Variants in METTL16 observed in about 807,000 individuals in gnomAD.
METTL16 encodes methyltransferase 16, RNA N6-adenosine.
A neutral mutation model predicts 57.9 loss-of-function variants in METTL16; 19 were observed. The ratio of observed to expected loss-of-function variants is 0.33; its 90% CI spans 0.23 to 0.48. The LOEUF is 0.48. Among genes scored for constraint, METTL16 ranks in the 20% least tolerant of loss-of-function variants. The probability of loss-of-function intolerance (pLI) is 0.99; values close to 1 mark genes in which losing one functional copy is unlikely to be tolerated. For missense variants in METTL16, 434 were observed against 691.5 expected (o/e 0.63, Z 4.18); for synonymous variants, 246 against 255.6 (o/e 0.96, Z 0.36).
At chr17:2,449,499 T>C (rs1426062227) in intron 6 of METTL16, among the ~76,000 whole-genome samples, 2 of 151,796 alleles carry the variant, frequency 1.3e-5, no homozygotes, top group Non-Finnish European at 2.9e-5. Context: ...TGAGCCACCA[T>C]GTCTGGCTTA....
intron 6 of METTL16, among the ~76,000 whole-genome samples, chr17:2,459,453 G>A (rs1024503933): frequency 6.6e-6 from 1 of 152,210 alleles, no homozygotes; most frequent in Non-Finnish European, 1.5e-5. Flanking sequence ...GGGAGGCGAG[G>A]CATCACAAGC....
chr17:2,490,347 C>A (rs2067378251), intron 2 of METTL16, among the ~76,000 whole-genome samples: 1 of 152,126 alleles, frequency 6.6e-6, no homozygotes, highest in African/African-American at 2.4e-5. Flanking sequence ...GGATGTATTA[C>A]AGCTTTTGTA....
chr17:2,492,830 A>G (rs1399469994), intron 2 of METTL16, among the ~76,000 whole-genome samples: 2 of 144,734 alleles, frequency 1.4e-5, no homozygotes, highest in Admixed American at 7.1e-5. Flanking sequence ...CCCAGGAGGC[A>G]GAGGTTGCAG....
intron 4 of METTL16, among the ~76,000 whole-genome samples, chr17:2,471,407 A>G (rs1247510119): frequency 6.6e-6 from 1 of 152,128 alleles, no homozygotes; most frequent in East Asian, 1.9e-4. Context: ...CCTGACCGGA[A>G]GGATCTACCC....
rs1466680624 is a variant in METTL16 at position 2,421,844 on chromosome 17, G to A, written c.889-940C>T. Among the ~76,000 whole-genome samples, 33 of 152,148 alleles carry A rather than the reference G, an allele frequency of 2.2e-4. 1 individual carries two copies. The highest frequency in any genetic ancestry group is 2.2e-3 in the Admixed American group (33 of 15,268). On this transcript the variant is annotated intron_variant, in intron 8 of 9. Coordinates refer to ENST00000263092, the MANE Select transcript of METTL16 (RefSeq NM_024086.4). ...TCGTGGCTGATGTCGGGACCAAGCCGGCGGCGAGCTAAGCACTGCCTTTTA... is the reference window on the plus strand; with the variant it reads ...TCGTGGCTGATGTCGGGACCAAGCCAGCGGCGAGCTAAGCACTGCCTTTTA...
At position 2,431,995 on chromosome 17, in the gene METTL16, A is replaced by T. The variant is rs534236072; in HGVS notation, c.888+6114T>A. ...AGTCTTGCTCTGTCGCCCAGGCTGG[A>T]GTGCAGTGGCACGATCCTGGCTCAC... On this transcript the variant is annotated intron_variant, in intron 8 of 9. Transcript: ENST00000263092. Among the ~76,000 whole-genome samples, 133 of 151,650 alleles carry T rather than the reference A, an allele frequency of 8.8e-4. 1 individual carries two copies. The highest frequency in any genetic ancestry group is 1.4e-3 in the Non-Finnish European group (97 of 67,908).
chr17:2,485,886 C>T (rs781552455), intron 2 of METTL16, among the ~76,000 whole-genome samples: 22 of 152,154 alleles, frequency 1.4e-4, no homozygotes, highest in Non-Finnish European at 2.9e-4. Flanking sequence ...ACTGACCCCC[C>T]CTAATTAGTG....
chr17:2,454,504 CTTA>C (rs906069936), intron 6 of METTL16, among the ~76,000 whole-genome samples: 3 of 150,980 alleles, frequency 2.0e-5, no homozygotes, highest in African/African-American at 2.4e-5. Flanking sequence ...ATCCTATGCT[CTTA>C]TAAGTGATTT....
chr17:2,450,255 T>C (rs1333823688), intron 6 of METTL16, among the ~76,000 whole-genome samples: 1 of 152,214 alleles, frequency 6.6e-6, no homozygotes, highest in African/African-American at 2.4e-5. Context: ...GAACGAACTG[T>C]GGTATACTCA....
rs572457321 is a variant in METTL16 at position 2,498,311 on chromosome 17, T to C, written c.128+3893A>G. Among the ~76,000 whole-genome samples the C allele has an allele frequency of 1.0e-3, 140 of 138,150 alleles. No individual in the cohort carries two copies. In the Middle Eastern group the frequency reaches 0.014, roughly 14 times the overall value. 90.6% of individuals were successfully genotyped at this position (138,150 alleles called of 152,430 possible). ...CCTGTAGTCCCAGCTACTCAGGAGG[T>C]TGAGGCAGGAGAATCTCTTGAACCC... On this transcript the variant is annotated intron_variant, in intron 2 of 9. Transcript: ENST00000263092.
chr17:2,439,837 A>G (rs1290290802), intron 7 of METTL16, among the ~76,000 whole-genome samples: 2 of 152,178 alleles, frequency 1.3e-5, no homozygotes, highest in Non-Finnish European at 2.9e-5. Context: ...AAACAAAACA[A>G]AAAACATATT....
At chr17:2,471,946 T>C (rs2067238115) in intron 4 of METTL16, among the ~76,000 whole-genome samples, 1 of 151,612 alleles carries the variant, frequency 6.6e-6, no homozygotes, top group African/African-American at 2.4e-5. Flanking sequence ...AAACCCCATC[T>C]CTACTAAAAA....
At chr17:2,498,173 G>A (rs1238585001) in intron 2 of METTL16, among the ~76,000 whole-genome samples, 4 of 139,778 alleles carry the variant, frequency 2.9e-5, no homozygotes, top group East Asian at 4.4e-4. Flanking sequence ...CAGCCTGGGC[G>A]ACAGAGTAAG....
chr17:2,449,274 G>GACCT (rs2067050968), intron 6 of METTL16, among the ~76,000 whole-genome samples: 1 of 152,096 alleles, frequency 6.6e-6, no homozygotes, highest in Non-Finnish European at 1.5e-5. Context: ...TTTCCAACTT[G>GACCT]ACCTATAAAT....
intron 2 of METTL16, 83 bp from the exon 3 acceptor site, chr17:2,477,968 A>C (rs933967397): frequency 8.4e-7 from 1 of 1,184,380 alleles, no homozygotes; most frequent in African/African-American, 1.5e-5. Flanking sequence ...GGCAGAACCA[A>C]ATACCCATCC....
intron 2 of METTL16, among the ~76,000 whole-genome samples, chr17:2,478,955 A>T (rs773495056): frequency 7.9e-5 from 12 of 152,212 alleles, no homozygotes; most frequent in Non-Finnish European, 1.8e-4. Flanking sequence ...ACATTTACAT[A>T]CAAGTCTTTG....
chr17:2,425,349 A>G (rs1480507457), intron 8 of METTL16, among the ~76,000 whole-genome samples: 10 of 152,232 alleles, frequency 6.6e-5, no homozygotes, highest in African/African-American at 1.9e-4. Context: ...TCAACATTTT[A>G]AAGTCTACCC....
At chr17:2,447,899 T>TGGG (rs1419905351) in intron 6 of METTL16, among the ~76,000 whole-genome samples, 1 of 11,440 alleles carries the variant, frequency 8.7e-5, no homozygotes, top group African/African-American at 6.2e-4. Flanking sequence ...GGGAGGGAGG[T>TGGG]GGGGGGGGTC....
At chr17:2,448,781 T>TAAAAAA (rs1369462081) in intron 6 of METTL16, among the ~76,000 whole-genome samples, 1 of 33,694 alleles carries the variant, frequency 3.0e-5, no homozygotes, top group Non-Finnish European at 6.7e-5. Context: ...AATAAAAAAA[T>TAAAAAA]AAAAAAATAA....
Sources: allele counts gnomAD v4.1 joint callset (sites outside exome capture counted in the v4.1 genomes callset), GRCh38; gene constraint gnomAD v4.1.1; transcripts MANE v1.5; gene names NCBI Gene and HGNC (gene_info 2026-07-23, HGNC 2026-07-21).